The following FUT8 variants were observed in gnomAD, a reference collection of about 807,000 sequenced individuals.
FUT8 encodes fucosyltransferase 8, also known as alpha-(1,6)-fucosyltransferase.
In FUT8, 29 loss-of-function variants were observed where a neutral mutation model predicts 71.3. That is an observed-to-expected ratio of 0.41 (90% CI 0.30 to 0.55). The LOEUF (loss-of-function observed/expected upper bound fraction) is 0.55, where lower values mean the gene tolerates loss of function less well. Ranked by LOEUF, FUT8 falls within the 20% of genes least tolerant of loss-of-function variation. The pLI, the probability that FUT8 is intolerant of heterozygous loss-of-function variation, is 0.34. For missense variants in FUT8, 544 were observed against 702.1 expected, an observed-to-expected ratio of 0.77 and a Z score of 2.55; for synonymous variants, 254 against 239.3, an observed-to-expected ratio of 1.06 and a Z score of -0.57.
chr14:65,581,743 A>C (rs1218691929), intron 3 of FUT8, among the ~76,000 whole-genome samples: 2 of 151,716 alleles, frequency 1.3e-5, no homozygotes, highest in Non-Finnish European at 2.9e-5. Context: ...ATGATACGTG[A>C]GTTTGTATAT....
rs1291879478 is a variant in FUT8 at position 65,550,064 on chromosome 14, A to G, written c.-227-11273A>G. On this transcript the variant is annotated intron_variant, in intron 2 of 10. Transcript: ENST00000673929. This position sits in a 1 kb window ranked among gnomAD's most constrained non-coding sequence, Gnocchi z 4.5. ...TGACAGAGCGAGACTCTGTCTAAAA[A>G]CAAAACAAAACAAAACAAAAAAGTT... 1.3e-5 allele frequency among the ~76,000 whole-genome samples: 2 copies of G among 150,844 alleles called. No homozygotes were observed. Among genetic ancestry groups the G allele is most frequent in the Non-Finnish European group, 2.9e-5 (2 of 67,968 alleles).
intron 2 of FUT8, among the ~76,000 whole-genome samples, chr14:65,534,493 T>C (rs888575142): frequency 7.3e-5 from 11 of 151,614 alleles, no homozygotes; most frequent in Admixed American, 2.0e-4. Flanking sequence ...TACTAGCTCT[T>C]CTTTGTACAT....
At chr14:65,358,229 G>A in the FUT8 span, among the ~76,000 whole-genome samples, 4 of 152,134 alleles carry the variant, frequency 2.6e-5, no homozygotes, top group South Asian at 6.2e-4. Context: ...TTAAAGTGAT[G>A]AGTATAGTAA....
At chr14:65,477,450 T>C (rs1566772710) in intron 2 of FUT8, among the ~76,000 whole-genome samples, 1 of 152,206 alleles carries the variant, frequency 6.6e-6, no homozygotes, top group Non-Finnish European at 1.5e-5. Context: ...AGTCATTTAT[T>C]CATTGAGCAT....
Position 65,638,029 on chromosome 14 carries a change from A to G in FUT8, c.597+8423A>G, listed in dbSNP as rs1380223410. On this transcript the variant is annotated intron_variant, in intron 6 of 10. Transcript: ENST00000673929. This position sits in a 1 kb window ranked among gnomAD's most constrained non-coding sequence, Gnocchi z 4.5. The stretch of plus-strand genomic sequence containing the variant: ...ACATAATGAGCTTGGTCAAGTTAAC[A>G]ACATTTAGGTTGATTTATTGCACCT... Among the ~76,000 whole-genome samples, 1 of 152,228 alleles carries G rather than the reference A, an allele frequency of 6.6e-6. No individual in the cohort carries two copies. The highest frequency in any genetic ancestry group is 1.5e-5 in the Non-Finnish European group (1 of 68,046).
At chr14:65,362,358 G>C in the FUT8 span, among the ~76,000 whole-genome samples, 1 of 152,188 alleles carries the variant, frequency 6.6e-6, no homozygotes, top group East Asian at 1.9e-4. Flanking sequence ...TTGATGAGCT[G>C]AGAATTAAGC....
the FUT8 span, among the ~76,000 whole-genome samples, chr14:65,391,317 G>A: frequency 1.6e-4 from 25 of 152,214 alleles, no homozygotes; most frequent in African/African-American, 6.0e-4. Context: ...GTAGCTGTTT[G>A]AAAGAGAATA....
chr14:65,430,288 C>T (rs76222916), intron 1 of FUT8: 1 of 151,978 alleles, frequency 6.6e-6, no homozygotes, highest in Non-Finnish European at 1.5e-5. Context: ...CCTCGGCCAC[C>T]CAAAATGTTG....
chr14:65,629,512 A>G lies in FUT8; in HGVS notation c.503A>G (p.Tyr168Cys). The G allele has an allele frequency of 6.2e-7, 1 of 1,613,144 alleles. No individual in the cohort carries two copies. Among genetic ancestry groups the G allele is most frequent in the Non-Finnish European group, 8.5e-7 (1 of 1,179,116 alleles). ...AACAGGTCTATAATGACGGATCTAT[A>G]CTACCTCAGTCAGACAGATGGAGCA... ...HHERSIMTDL[Y>C]YLSQTDGAGD... is the part of the protein sequence containing the mutation. Residue 168 changes from tyrosine to cysteine, a missense_variant, in exon 6 of 11, where the codon TAC becomes TGC. By Grantham distance (194) the Tyr-to-Cys change is radical (BLOSUM62 -2). Transcript: ENST00000673929.
At chr14:65,726,974 A>C (rs1203455355) in intron 9 of FUT8, among the ~76,000 whole-genome samples, 1 of 152,178 alleles carries the variant, frequency 6.6e-6, no homozygotes, top group Non-Finnish European at 1.5e-5. Flanking sequence ...GGGGCAGTCG[A>C]ATGTTAAAGC....
At chr14:65,484,330 G>A (rs985363551) in intron 2 of FUT8, among the ~76,000 whole-genome samples, 3 of 152,088 alleles carry the variant, frequency 2.0e-5, no homozygotes, top group Non-Finnish European at 2.9e-5. Context: ...AATCTTAGGG[G>A]GAAAGCATCT....
chr14:65,588,858 T>A (rs1232133459), intron 3 of FUT8, among the ~76,000 whole-genome samples: 1 of 152,232 alleles, frequency 6.6e-6, no homozygotes, highest in Non-Finnish European at 1.5e-5. Context: ...AATAAGTATA[T>A]ATGTCTAGGA....
At chr14:65,459,026 C>T (rs1195981119) in intron 2 of FUT8, among the ~76,000 whole-genome samples, 2 of 152,202 alleles carry the variant, frequency 1.3e-5, no homozygotes, top group South Asian at 2.1e-4. Flanking sequence ...TTGGCTCAAG[C>T]GGTCTGCCCA....
intron 2 of FUT8, among the ~76,000 whole-genome samples, chr14:65,540,725 T>C (rs1010126112): frequency 4.6e-5 from 7 of 152,210 alleles, no homozygotes; most frequent in African/African-American, 1.7e-4. Flanking sequence ...ACTGTTGAGA[T>C]GGAATGGTTT....
chr14:65,454,465 A>G (rs1287807796), intron 1 of FUT8, among the ~76,000 whole-genome samples: 1 of 152,220 alleles, frequency 6.6e-6, no homozygotes, highest in Non-Finnish European at 1.5e-5. Flanking sequence ...AGTCTCTACA[A>G]TAAAGTAAAA....
chr14:65,421,998 G>A (rs2065305298), intron 1 of FUT8, among the ~76,000 whole-genome samples: 1 of 151,996 alleles, frequency 6.6e-6, no homozygotes, highest in African/African-American at 2.4e-5. Context: ...ACTTTCTGTA[G>A]TGTACTGTGT....
the FUT8 span, among the ~76,000 whole-genome samples, chr14:65,404,473 T>C: frequency 1.0e-4 from 15 of 146,582 alleles, no homozygotes; most frequent in Non-Finnish European, 2.1e-4. Context: ...CACCCAGCGT[T>C]GTTTCTTTTT....
chr14:65,541,083 T>C (rs934022061), intron 2 of FUT8, among the ~76,000 whole-genome samples: 2 of 152,212 alleles, frequency 1.3e-5, no homozygotes, highest in Non-Finnish European at 2.9e-5. Flanking sequence ...AAATCATATT[T>C]TATTAATGAG....
chr14:65,655,820 A>G, intron 6 of FUT8, among the ~76,000 whole-genome samples: 1 of 152,222 alleles, frequency 6.6e-6, no homozygotes, highest in Non-Finnish European at 1.5e-5. Context: ...CAAATCAATC[A>G]TTGTGATACA....
Sources: allele counts gnomAD v4.1 joint callset (sites outside exome capture counted in the v4.1 genomes callset), GRCh38; gene constraint gnomAD v4.1.1; non-coding constraint Gnocchi (gnomAD v3.1); transcripts MANE v1.5; gene names NCBI Gene and HGNC (gene_info 2026-07-23, HGNC 2026-07-21).